The following PAPPA variants were observed in gnomAD, a reference collection of about 807,000 sequenced individuals.
PAPPA encodes pappalysin 1, also known as pappalysin-1.
PAPPA carries 60 observed loss-of-function variants against 164.0 expected under a neutral mutation model. That is an observed-to-expected ratio of 0.37 (90% CI 0.30 to 0.45). The LOEUF (loss-of-function observed/expected upper bound fraction) is 0.45. Among genes scored for constraint, PAPPA ranks in the 20% least tolerant of loss-of-function variants. The pLI, the probability that PAPPA is intolerant of heterozygous loss-of-function variation, is 1.00. For synonymous variants in PAPPA, 875 were observed against 814.1 expected (o/e 1.07, Z -1.27); for missense variants, 1,782 against 2,087.3 (o/e 0.85, Z 2.85).
At chr9:116,352,661 CAG>C in intron 15 of PAPPA, 43 bp from the exon 16 acceptor site, 1 of 1,487,812 alleles carries the variant, frequency 6.7e-7, no homozygotes, top group Non-Finnish European at 9.4e-7. Context: ...GCTTGGCTAT[CAG>C]AGACTCCTCC....
rs1843575044 is a variant in PAPPA at position 116,154,419 on chromosome 9, G to A, written c.247G>A (p.Ala83Thr). The change falls in exon 1 of 22, where the codon GCG (alanine) becomes ACG (threonine). Residue 83 changes from alanine (A) to threonine (T), a missense_variant. By Grantham distance (58) the Ala-to-Thr change is moderately conservative. Around this residue, in one of 2 missense-constraint regions of PAPPA, gnomAD observed 458 missense variants for 430.3 expected, o/e 1.06. Coordinates refer to ENST00000328252, the MANE Select transcript of PAPPA (RefSeq NM_002581.5). The surrounding 1 kb of genome is among the most constrained non-coding windows in gnomAD (Gnocchi z 5.2). ...RVPRRRQQRE[A>T]RGATEEPSPP... ...CCCCCGGCGGCGGCAGCAGCGGGAG[G>A]CGAGGGGCGCCACCGAGGAGCCGAG... 1.6e-6 allele frequency: 2 copies of A among 1,236,586 alleles called. No homozygotes were observed. The highest frequency in any genetic ancestry group is 3.1e-5 in the African/African-American group (2 of 63,768). 76.6% of individuals were successfully genotyped at this position (1,236,586 alleles called of 1,614,324 possible).
chr9:116,298,927 C>G (rs1845544367), intron 9 of PAPPA, among the ~76,000 whole-genome samples: 1 of 152,128 alleles, frequency 6.6e-6, no homozygotes, highest in African/African-American at 2.4e-5. Context: ...TAAGGAGCAC[C>G]AAGTAAATTG....
intron 12 of PAPPA, chr9:116,332,883 CT>C (rs1326744176): frequency 6.1e-6 from 1 of 162,978 alleles, no homozygotes; most frequent in African/African-American, 2.4e-5. Context: ...GCGTCATAGC[CT>C]ATTGCTTTTT....
intron 7 of PAPPA, among the ~76,000 whole-genome samples, chr9:116,251,933 C>T (rs1218629276): frequency 1.3e-5 from 2 of 152,146 alleles, no homozygotes; most frequent in African/African-American, 2.4e-5. Context: ...TCCCGGGATT[C>T]GAAGCTCTGG....
chr9:116,385,432 C>T (rs1846796510), intron 21 of PAPPA, among the ~76,000 whole-genome samples: 1 of 151,934 alleles, frequency 6.6e-6, no homozygotes, highest in Admixed American at 6.6e-5. Context: ...AGGCATGAGC[C>T]ACCGCACCTG....
At chr9:116,332,568 C>A in intron 12 of PAPPA, 100 bp downstream of exon 12, 1 of 1,051,978 alleles carries the variant, frequency 9.5e-7, no homozygotes. Flanking sequence ...CTCTTCCTTC[C>A]TTTTTCCCCT....
At chr9:116,228,474 C>G (rs774216607) in intron 6 of PAPPA, among the ~76,000 whole-genome samples, 9 of 151,458 alleles carry the variant, frequency 5.9e-5, no homozygotes, top group Non-Finnish European at 1.3e-4. Context: ...CCGCTATCCT[C>G]TATATTTTTA....
intron 9 of PAPPA, among the ~76,000 whole-genome samples, chr9:116,282,039 A>C (rs1845274139): frequency 6.6e-6 from 1 of 152,192 alleles, no homozygotes; most frequent in South Asian, 2.1e-4. Flanking sequence ...CCTCCTCCAA[A>C]ATATGAAACC....
Position 116,353,721 on chromosome 9 carries a change from C to T in PAPPA, c.4275C>T (p.Leu1425=). 1 of 1,614,106 alleles carries T rather than the reference C, an allele frequency of 6.2e-7. No individual in the cohort carries two copies. Among genetic ancestry groups the T allele is most frequent in the Non-Finnish European group, 8.5e-7 (1 of 1,179,972 alleles). The change falls in exon 17 of 22, where the codon CTC becomes CTT. Residue 1425 remains leucine (L), a synonymous_variant. Transcript: ENST00000328252. The part of the protein sequence containing the change: ...CDPPPPKFHG[L]YQCTNGFQFN... The stretch of plus-strand genomic sequence containing the variant: ...CACCTCCACCAAAATTCCATGGGCT[C>T]TACCAGTGTACTAATGGCTTCCAGT...
intron 21 of PAPPA, among the ~76,000 whole-genome samples, chr9:116,389,629 G>A (rs1192904129): frequency 6.6e-6 from 1 of 151,936 alleles, no homozygotes; most frequent in East Asian, 1.9e-4. Flanking sequence ...CTACTTTACA[G>A]CCTTTGTCAC....
intron 9 of PAPPA, among the ~76,000 whole-genome samples, chr9:116,291,301 C>G (rs1372490098): frequency 6.6e-6 from 1 of 151,800 alleles, no homozygotes; most frequent in African/African-American, 2.4e-5. Flanking sequence ...GAAAATAAAA[C>G]AATATATAAG....
At chr9:116,249,412 T>C (rs972793720) in intron 7 of PAPPA, among the ~76,000 whole-genome samples, 3 of 152,134 alleles carry the variant, frequency 2.0e-5, no homozygotes, top group Non-Finnish European at 4.4e-5. Context: ...GGTTAGATCA[T>C]GATGATCCCA....
chr9:116,275,628 C>T (rs1845187467), intron 9 of PAPPA, among the ~76,000 whole-genome samples: 1 of 152,028 alleles, frequency 6.6e-6, no homozygotes, highest in Admixed American at 6.6e-5. Context: ...TTCACCCCTT[C>T]CTCTTCCCCC....
At chr9:116,204,273 TAC>T (rs1298033391) in intron 2 of PAPPA, among the ~76,000 whole-genome samples, 1 of 152,214 alleles carries the variant, frequency 6.6e-6, no homozygotes, top group East Asian at 1.9e-4. Flanking sequence ...TACAGATTAA[TAC>T]ACACACAGCT....
intron 7 of PAPPA, among the ~76,000 whole-genome samples, chr9:116,264,227 G>A (rs913393077): frequency 6.6e-6 from 1 of 152,036 alleles, no homozygotes; most frequent in Non-Finnish European, 1.5e-5. Flanking sequence ...GGATAAAGTA[G>A]CCAATAAGCT....
At chr9:116,380,068 T>C (rs1215678922) in intron 20 of PAPPA, among the ~76,000 whole-genome samples, 3 of 152,208 alleles carry the variant, frequency 2.0e-5, no homozygotes, top group Admixed American at 6.5e-5. Context: ...CAAATCTTTC[T>C]ACTTTTTAAT....
At chr9:116,268,535 A>AT (rs920037601) in intron 8 of PAPPA, among the ~76,000 whole-genome samples, 17 of 150,022 alleles carry the variant, frequency 1.1e-4, no homozygotes, top group Admixed American at 3.3e-4. Context: ...ATTTAGCCCA[A>AT]TTTTTTTTTT....
At chr9:116,175,118 A>G (rs1843817683) in intron 1 of PAPPA, among the ~76,000 whole-genome samples, 1 of 152,160 alleles carries the variant, frequency 6.6e-6, no homozygotes. Context: ...TATACATTCA[A>G]ACCTAATGAC....
rs1728074524 is a variant in PAPPA, at chr9:116,154,380, G to A, written c.208G>A (p.Glu70Lys). 4 of 1,071,178 alleles carry A rather than the reference G, an allele frequency of 3.7e-6. No homozygotes were observed. Among genetic ancestry groups the A allele is most frequent in the Non-Finnish European group, 4.7e-6 (4 of 849,440 alleles). 66.4% of individuals were successfully genotyped at this position (1,071,178 alleles called of 1,614,324 possible). Residue 70 changes from glutamate (E) to lysine (K), a missense_variant, in exon 1 of 22, where the codon GAA (glutamate) becomes AAA (lysine). This residue lies in a region of PAPPA where 458 missense variants were observed against 430.3 expected (regional missense o/e 1.06). Transcript: ENST00000328252. This position sits in a 1 kb window ranked among gnomAD's most constrained non-coding sequence, Gnocchi z 5.2. ...PPPPPPGGAW[E>K]AVRVPRRRQQ... ...GCCGCCGCCGCCGGGCGGTGCCTGG[G>A]AAGCCGTGCGCGTCCCCCGGCGGCG...
Sources: allele counts gnomAD v4.1 joint callset (sites outside exome capture counted in the v4.1 genomes callset), GRCh38; gene constraint gnomAD v4.1.1; regional missense constraint gnomAD v4.1.1; non-coding constraint Gnocchi (gnomAD v3.1); transcripts MANE v1.5; gene names NCBI Gene and HGNC (gene_info 2026-07-23, HGNC 2026-07-21).